Variants in NECTIN1 observed in about 807,000 individuals in gnomAD.
The protein encoded by NECTIN1 is nectin-1.
Under a neutral mutation model 48.0 loss-of-function variants are expected in NECTIN1, and 23 were observed. The ratio of observed to expected loss-of-function variants is 0.48; its 90% CI spans 0.34 to 0.68. NECTIN1 has a LOEUF of 0.68. Ranked by LOEUF, NECTIN1 falls within the 30% of genes least tolerant of loss-of-function variation. The pLI is 0.01. For missense variants in NECTIN1, 591 were observed against 709.9 expected, an observed-to-expected ratio of 0.83 and a Z score of 1.90; for synonymous variants, 270 against 288.9, an observed-to-expected ratio of 0.93 and a Z score of 0.66.
rs531454414 is a variant in NECTIN1 at position 119,670,559 on chromosome 11, G to A, written c.1003+4600C>T. Among the ~76,000 whole-genome samples the A allele has an allele frequency of 3.2e-4, 49 of 152,090 alleles. 1 individual carries two copies. In the South Asian group the frequency reaches 9.8e-3, roughly 30 times the overall value. ...CTTGTTTCTCTGGAGTGGGTGACAG[G>A]AGGAGTGGTGTGGTGGCTTGGGACC... On this transcript the variant is annotated intron_variant, in intron 5 of 5. Transcript: ENST00000264025.
intron 7 of NECTIN1, among the ~76,000 whole-genome samples, chr11:119,638,568 G>T (rs761509812): frequency 1.3e-5 from 2 of 152,162 alleles, no homozygotes; most frequent in Non-Finnish European, 2.9e-5. Flanking sequence ...ATCTCTTAGG[G>T]TGAGGCAGAT....
At chr11:119,643,151 G>A (rs901715538) in intron 5 of NECTIN1, among the ~76,000 whole-genome samples, 1 of 152,172 alleles carries the variant, frequency 6.6e-6, no homozygotes, top group Non-Finnish European at 1.5e-5. Flanking sequence ...CTCAATATCT[G>A]AGTGCAACTT....
chr11:119,667,016 G>A (rs962981538), intron 5 of NECTIN1, among the ~76,000 whole-genome samples: 5 of 152,194 alleles, frequency 3.3e-5, no homozygotes, highest in African/African-American at 9.6e-5. Flanking sequence ...TGCCATGGAG[G>A]ACCCCGCTCC....
At chr11:119,697,297 AT>A (rs11305735) in intron 1 of NECTIN1, among the ~76,000 whole-genome samples, 152,176 of 152,176 alleles carry the variant, frequency 1, 76,088 homozygotes, top group Non-Finnish European at 1. Flanking sequence ...TATGCATTTT[AT>A]TTTTTGCACA....
rs967688157 is a variant in NECTIN1, at chr11:119,672,104, G to T, written c.1003+3055C>A. ...TGAAGAACTCCAGGACTGATGGGCAGACTGTGACCCTCACCTGCAAGGGAT... is the reference window on the plus strand; with the variant it reads ...TGAAGAACTCCAGGACTGATGGGCATACTGTGACCCTCACCTGCAAGGGAT... On this transcript the variant is annotated intron_variant, in intron 5 of 5. Coordinates refer to ENST00000264025, the MANE Select transcript of NECTIN1 (RefSeq NM_002855.5). The surrounding 1 kb of genome is among the most constrained non-coding windows in gnomAD (Gnocchi z 4.3). Among the ~76,000 whole-genome samples, 1 of 152,258 alleles carries T rather than the reference G, an allele frequency of 6.6e-6. No homozygotes were observed. The highest frequency in any genetic ancestry group is 1.5e-5 in the Non-Finnish European group (1 of 68,042).
intron 1 of NECTIN1, among the ~76,000 whole-genome samples, chr11:119,704,291 C>T (rs1200704545): frequency 6.6e-6 from 1 of 151,986 alleles, no homozygotes; most frequent in Non-Finnish European, 1.5e-5. Flanking sequence ...GGTGCAATCT[C>T]GGCTCACTGC....
intron 5 of NECTIN1, among the ~76,000 whole-genome samples, chr11:119,655,937 G>A (rs887577440): frequency 3.3e-5 from 5 of 152,080 alleles, no homozygotes; most frequent in Non-Finnish European, 7.4e-5. Context: ...TCACTCTGTC[G>A]CTTATCCTGG....
At chr11:119,659,572 A>C (rs1864627159), downstream of NECTIN1, among the ~76,000 whole-genome samples, 1 of 152,172 alleles carries the variant, frequency 6.6e-6, no homozygotes, top group African/African-American at 2.4e-5. Flanking sequence ...GCCCAACTGG[A>C]CTAGAAGACT....
chr11:119,661,182 C>T lies in NECTIN1; in HGVS notation c.*3565G>A, dbSNP rs1442791211. On this transcript the variant is annotated 3_prime_UTR_variant, in exon 6 of 6. Transcript: ENST00000264025. ...GACAAGACGCCGAAGCAAGGTAGCG[C>T]ATCACGCTGGGAGGGGAGGGTGGCA... The T allele has an allele frequency of 6.1e-6, 6 of 985,858 alleles. No homozygotes were observed. Among genetic ancestry groups the T allele is most frequent in the Non-Finnish European group, 7.2e-6 (6 of 829,946 alleles). 61.1% of individuals were successfully genotyped at this position (985,858 alleles called of 1,614,324 possible).
rs140510697 is a variant in NECTIN1 at position 119,707,519 on chromosome 11, A to C, written c.79+20956T>G. ...ACAAGGCTGTCGAACAGGGTGAACA[A>C]CACCTCCCCACCGTCTCCCCACTCC... On this transcript the variant is annotated intron_variant, in intron 1 of 5. Coordinates refer to ENST00000264025, the MANE Select transcript of NECTIN1 (RefSeq NM_002855.5). Among the ~76,000 whole-genome samples the C allele has an allele frequency of 2.0e-5, 3 of 151,682 alleles. No individual in the cohort carries two copies. In the East Asian group the frequency reaches 5.8e-4, roughly 30 times the overall value.
In NECTIN1 at chr11:119,683,827, G is replaced by A. The variant is rs529190886; in HGVS notation, c.80-5062C>T. Among the ~76,000 whole-genome samples the A allele has an allele frequency of 2.6e-5, 4 of 152,106 alleles. No homozygotes were observed. The highest frequency in any genetic ancestry group is 2.0e-4 in the Admixed American group (3 of 15,288). On this transcript the variant is annotated intron_variant, in intron 1 of 5. Transcript: ENST00000264025. The surrounding 1 kb of genome is among the most constrained non-coding windows in gnomAD (Gnocchi z 4.0). ...TCCAGGATCTGGGACCCATGCCCCTGGGGCTTGTTCTCAAGTGCCTCAGTT... is the reference window on the plus strand; with the variant it reads ...TCCAGGATCTGGGACCCATGCCCCTAGGGCTTGTTCTCAAGTGCCTCAGTT...
intron 1 of NECTIN1, among the ~76,000 whole-genome samples, chr11:119,689,229 C>T (rs1191727717): frequency 6.6e-6 from 1 of 152,214 alleles, no homozygotes; most frequent in Non-Finnish European, 1.5e-5. Flanking sequence ...GTTTGCGCTC[C>T]TCACCCTGGG....
Position 119,645,697 on chromosome 11 carries a change from G to A in NECTIN1, c.1004-5685C>T, listed in dbSNP as rs181628787. Among the ~76,000 whole-genome samples the A allele has an allele frequency of 5.7e-4, 87 of 152,122 alleles. 2 individuals are homozygous for A. Among genetic ancestry groups the A allele is most frequent in the African/African-American group, 2.0e-3 (81 of 41,496 alleles). On this transcript the variant is annotated intron_variant, in intron 5 of 7. Transcript: ENST00000341398. ...CTCAACATCTCATTTCCATTCCATC[G>A]TCCCAGAACTGCAAGCTGGGCTGGC...
intron 1 of NECTIN1, among the ~76,000 whole-genome samples, chr11:119,703,995 C>T (rs1218033016): frequency 6.6e-6 from 1 of 152,132 alleles, no homozygotes; most frequent in Non-Finnish European, 1.5e-5. Flanking sequence ...TGTTAGTGTG[C>T]CTTTTTGCCA....
chr11:119,677,605 A>G lies in NECTIN1; in HGVS notation c.683T>C (p.Val228Ala). ...CTTGAAGCGGTCCATGTGGTAGTTG[A>G]CGATGCAGGCCAAGGACTGCTGGTG... Reference protein sequence around the residue: ...EAHQQSLACIVNYHMDRFKES... With the variant: ...EAHQQSLACIANYHMDRFKES... Residue 228 changes from valine (V) to alanine (A), a missense_variant, in exon 3 of 6, where the codon GTC becomes GCC. Transcript: ENST00000264025. This position sits in a 1 kb window ranked among gnomAD's most constrained non-coding sequence, Gnocchi z 5.4. The G allele has an allele frequency of 1.2e-6, 2 of 1,613,304 alleles. No individual in the cohort carries two copies. Among genetic ancestry groups the G allele is most frequent in the Non-Finnish European group, 1.7e-6 (2 of 1,179,996 alleles).
At position 119,663,333 on chromosome 11, in the gene NECTIN1, T is replaced by C; in HGVS notation, c.*1414A>G. 1 of 985,466 alleles carries C rather than the reference T, an allele frequency of 1.0e-6. No homozygotes were observed. Among genetic ancestry groups the C allele is most frequent in the Non-Finnish European group, 1.2e-6 (1 of 829,944 alleles). The allele number at this position is 985,466 out of a possible 1,614,324, so 61.0% of individuals were successfully genotyped here. Reference sequence around the variant, plus strand: ...CTGGGAGGGGTCTTCCTCCATTATATACATGGGAAGACCCAGTCTGGGGTG... The same window carrying C: ...CTGGGAGGGGTCTTCCTCCATTATACACATGGGAAGACCCAGTCTGGGGTG... On this transcript the variant is annotated 3_prime_UTR_variant, in exon 6 of 6. Transcript: ENST00000264025.
chr11:119,651,433 G>T (rs1029343707), intron 5 of NECTIN1, among the ~76,000 whole-genome samples: 12 of 152,098 alleles, frequency 7.9e-5, no homozygotes, highest in Non-Finnish European at 1.8e-4. Flanking sequence ...TCTTTCTTGG[G>T]GGGGGTCTGT....
chr11:119,672,185 G>C lies in NECTIN1; in HGVS notation c.1003+2974C>G, dbSNP rs535100207. Among the ~76,000 whole-genome samples the C allele has an allele frequency of 6.6e-6, 1 of 152,320 alleles. No individual in the cohort carries two copies. The highest frequency in any genetic ancestry group is 2.4e-5 in the African/African-American group (1 of 41,572). ...GGACAGACGCCCTGCACCCTGGGAT[G>C]GACATCCTACACCCTGGCAGCCTCC... On this transcript the variant is annotated intron_variant, in intron 5 of 5. Transcript: ENST00000264025. This position sits in a 1 kb window ranked among gnomAD's most constrained non-coding sequence, Gnocchi z 4.3.
In NECTIN1 at chr11:119,664,556, G is replaced by A; in HGVS notation, c.*191C>T. 7.0e-7 allele frequency: 1 copy of A among 1,431,040 alleles called. No individual in the cohort carries two copies. Among genetic ancestry groups the A allele is most frequent in the Non-Finnish European group, 9.1e-7 (1 of 1,095,936 alleles). 88.6% of individuals were successfully genotyped at this position (1,431,040 alleles called of 1,614,324 possible). A position where few individuals can be genotyped will look rare whatever the true frequency, so the allele number is the denominator to read the frequency against. Reference sequence around the variant, plus strand: ...CACCATGGGGAAGGGCGGAGGAGAGGGAGGAAATAAAACACAAAGCCAAGT... The same window carrying A: ...CACCATGGGGAAGGGCGGAGGAGAGAGAGGAAATAAAACACAAAGCCAAGT... On this transcript the variant is annotated 3_prime_UTR_variant, in exon 6 of 6. Coordinates refer to ENST00000264025, the MANE Select transcript of NECTIN1 (RefSeq NM_002855.5).
Sources: allele counts gnomAD v4.1 joint callset (sites outside exome capture counted in the v4.1 genomes callset), GRCh38; gene constraint gnomAD v4.1.1; non-coding constraint Gnocchi (gnomAD v3.1); transcripts MANE v1.5; gene names NCBI Gene and HGNC (gene_info 2026-07-23, HGNC 2026-07-21).